The following RBFOX1 variants were observed in gnomAD, a reference collection of about 807,000 sequenced individuals.
RBFOX1 encodes the protein RNA binding protein fox-1 homolog 1.
A neutral mutation model predicts 57.7 loss-of-function variants in RBFOX1; 8 were observed. The ratio of observed to expected loss-of-function variants is 0.14; its 90% CI spans 0.08 to 0.25. The LOEUF (loss-of-function observed/expected upper bound fraction) is 0.25. Ranked by LOEUF, RBFOX1 falls within the 10% of genes least tolerant of loss-of-function variation. The pLI, the probability that RBFOX1 is intolerant of heterozygous loss-of-function variation, is 1.00. For missense variants in RBFOX1, 611 were observed against 548.5 expected, an observed-to-expected ratio of 1.11 and a Z score of -1.14; for synonymous variants, 326 against 222.4, an observed-to-expected ratio of 1.47 and a Z score of -4.15.
At chr16:6,625,340 T>C (rs117564393) in intron 2 of RBFOX1, among the ~76,000 whole-genome samples, 1 of 151,860 alleles carries the variant, frequency 6.6e-6, no homozygotes, top group Non-Finnish European at 1.5e-5. Flanking sequence ...AATTTCTTCA[T>C]TCCTGTAACT....
intron 4 of RBFOX1, among the ~76,000 whole-genome samples, chr16:7,339,172 C>A (rs1299222280): frequency 6.6e-6 from 1 of 152,128 alleles, no homozygotes; most frequent in Non-Finnish European, 1.5e-5. Flanking sequence ...CCTCAGTTTT[C>A]TAGGCTGCAA....
intron 4 of RBFOX1, chr16:7,332,992 T>C (rs1033057325): frequency 1.9e-6 from 3 of 1,613,442 alleles, no homozygotes; most frequent in Non-Finnish European, 2.5e-6. Context: ...ATAATAACTC[T>C]ACGTAAAGCA....
intron 3 of RBFOX1, among the ~76,000 whole-genome samples, chr16:5,850,943 G>T (rs936331687): frequency 2.0e-5 from 3 of 152,200 alleles, no homozygotes; most frequent in Admixed American, 6.5e-5. Flanking sequence ...ATGGCATCGG[G>T]CATATCCTGC....
chr16:7,526,938 C>T (rs1032826928), intron 5 of RBFOX1, among the ~76,000 whole-genome samples: 2 of 152,190 alleles, frequency 1.3e-5, no homozygotes, highest in African/African-American at 2.4e-5. Flanking sequence ...CAGGCATGCC[C>T]AGCCACACTG....
At chr16:6,447,022 A>T (rs757982813) in intron 2 of RBFOX1, among the ~76,000 whole-genome samples, 1 of 152,200 alleles carries the variant, frequency 6.6e-6, no homozygotes, top group Non-Finnish European at 1.5e-5. Flanking sequence ...TGTCATTTTA[A>T]TGAAATCAAG....
intron 3 of RBFOX1, among the ~76,000 whole-genome samples, chr16:6,753,543 G>C (rs1410324253): frequency 6.6e-6 from 1 of 151,994 alleles, no homozygotes; most frequent in Non-Finnish European, 1.5e-5. Context: ...TCTTCTCTTT[G>C]AATATTTGTT....
At chr16:6,513,755 A>AC (rs1024378158) in intron 2 of RBFOX1, among the ~76,000 whole-genome samples, 113 of 152,176 alleles carry the variant, frequency 7.4e-4, no homozygotes, top group Non-Finnish European at 1.3e-3. Context: ...AAACAAACAA[A>AC]AAAAAACAAA....
chr16:6,517,651 T>C (rs1187308673), intron 2 of RBFOX1, among the ~76,000 whole-genome samples: 4 of 152,306 alleles, frequency 2.6e-5, no homozygotes, highest in Admixed American at 2.6e-4. Context: ...GAGATAGTAC[T>C]TGATGGCTAC....
At chr16:5,828,056 C>A (rs12051251) in intron 3 of RBFOX1, among the ~76,000 whole-genome samples, 1 of 151,310 alleles carries the variant, frequency 6.6e-6, no homozygotes, top group Non-Finnish European at 1.5e-5. Flanking sequence ...CATCTACCCA[C>A]CCATCCATCC....
intron 4 of RBFOX1, among the ~76,000 whole-genome samples, chr16:7,294,867 T>C (rs922415041): frequency 6.6e-6 from 1 of 152,166 alleles, no homozygotes; most frequent in Non-Finnish European, 1.5e-5. Context: ...AAGGATACTT[T>C]CTCATTTTGT....
chr16:5,363,425 A>G (rs953516720), intron 1 of RBFOX1, among the ~76,000 whole-genome samples: 7 of 151,856 alleles, frequency 4.6e-5, no homozygotes, highest in African/African-American at 1.5e-4. Context: ...ACTGCATACT[A>G]TTTTCCTTGT....
rs374665972 is a variant in RBFOX1, at chr16:6,398,886, G to T, written c.-64+81829G>T. ...CTAGGCGGTGCTCCAGTGGGACTCT[G>T]TCTGGGGGCTCCAGCCCCACATTTC... is the stretch of plus-strand genomic sequence containing the variant. On this transcript the variant is annotated intron_variant, in intron 2 of 15. Coordinates refer to ENST00000550418, the MANE Select transcript of RBFOX1 (RefSeq NM_018723.4). Among the ~76,000 whole-genome samples, 4 of 152,192 alleles carry T rather than the reference G, an allele frequency of 2.6e-5. No individual in the cohort carries two copies. The East Asian group carries it at 7.7e-4, about 29-fold the overall frequency.
intron 2 of RBFOX1, among the ~76,000 whole-genome samples, chr16:6,544,971 A>G (rs933946755): frequency 6.6e-6 from 1 of 152,212 alleles, no homozygotes; most frequent in African/African-American, 2.4e-5. Context: ...GTGATTAAGC[A>G]TAGGTTATTC....
chr16:7,476,297 T>A (rs2062691362), intron 4 of RBFOX1, among the ~76,000 whole-genome samples: 1 of 152,244 alleles, frequency 6.6e-6, no homozygotes. Context: ...GTTTGAATTC[T>A]TACCCTCACA....
At chr16:7,408,430 G>C (rs935263097) in intron 4 of RBFOX1, among the ~76,000 whole-genome samples, 9 of 152,196 alleles carry the variant, frequency 5.9e-5, no homozygotes, top group African/African-American at 1.9e-4. Flanking sequence ...ATGAATGGGA[G>C]AAACAGTGCA....
intron 4 of RBFOX1, among the ~76,000 whole-genome samples, chr16:7,293,478 T>C (rs1417131099): frequency 6.6e-6 from 1 of 152,218 alleles, no homozygotes; most frequent in Non-Finnish European, 1.5e-5. Flanking sequence ...TCTTCATGTC[T>C]GCTCATACAT....
At chr16:5,619,316 GGC>G (rs1449865763) in intron 3 of RBFOX1, among the ~76,000 whole-genome samples, 2 of 152,096 alleles carry the variant, frequency 1.3e-5, no homozygotes, top group Admixed American at 6.5e-5. Flanking sequence ...TGGAACGGAG[GGC>G]CTGAGTTCCT....
chr16:5,580,149 G>T (rs1016649460), intron 2 of RBFOX1, among the ~76,000 whole-genome samples: 1 of 152,150 alleles, frequency 6.6e-6, no homozygotes, highest in Non-Finnish European at 1.5e-5. Flanking sequence ...TGCCTCCCTC[G>T]TTCCCAGCTG....
chr16:7,398,562 T>G (rs7189143), intron 4 of RBFOX1, among the ~76,000 whole-genome samples: 7,331 of 152,338 alleles, frequency 0.048, 452 homozygotes, highest in African/African-American at 0.15. Context: ...AGATGTTAGT[T>G]GTTTGATCCC....
Sources: gnomAD v4.1 joint callset for allele counts (sites outside exome capture counted in the v4.1 genomes callset) on GRCh38, gnomAD v4.1.1 for gene constraint, MANE v1.5 for transcripts, NCBI Gene and HGNC (gene_info 2026-07-23, HGNC 2026-07-21) for gene names.